RAB28: variants seen among roughly 807,000 people sequenced by gnomAD.
RAB28 encodes RAB28, member RAS oncogene family.
In RAB28, 24 loss-of-function variants were observed where a neutral mutation model predicts 31.7. The ratio of observed to expected loss-of-function variants is 0.76; its 90% CI spans 0.55 to 1.06. The LOEUF (loss-of-function observed/expected upper bound fraction) is 1.06, where lower values mean the gene tolerates loss of function less well. Among genes scored for constraint, RAB28 ranks in the 50% least tolerant of loss-of-function variants. The pLI is 0.00. For missense variants in RAB28, 254 were observed against 258.5 expected, an observed-to-expected ratio of 0.98 and a Z score of 0.12; for synonymous variants, 100 against 90.4, an observed-to-expected ratio of 1.11 and a Z score of -0.60.
In RAB28 at chr4:13,409,106, C is replaced by T. The variant is rs575378754; in HGVS notation, c.392-27512G>A. ...GGAAAATAAAGCATTATACTAAAAT[C>T]TCATGTGGGGTCAAAAGTGACATTA... On this transcript the variant is annotated intron_variant, in intron 4 of 6. Coordinates refer to ENST00000330852, the MANE Select transcript of RAB28 (RefSeq NM_001017979.3). 2.0e-5 allele frequency among the ~76,000 whole-genome samples: 3 copies of T among 152,226 alleles called. No homozygotes were observed. The South Asian group carries it at 6.2e-4, about 32-fold the overall frequency.
At chr4:13,442,310 C>G (rs958489405) in intron 4 of RAB28, among the ~76,000 whole-genome samples, 14 of 151,948 alleles carry the variant, frequency 9.2e-5, no homozygotes, top group African/African-American at 3.4e-4. Flanking sequence ...AAAACAGAAG[C>G]ACATTCAAAC....
chr4:13,440,408 C>T (rs373540924), intron 4 of RAB28, among the ~76,000 whole-genome samples: 5 of 151,982 alleles, frequency 3.3e-5, no homozygotes, highest in Non-Finnish European at 1.5e-5. Flanking sequence ...ATTTGCACAG[C>T]ATCTGTATTT....
At chr4:13,429,247 A>G (rs1713677046) in intron 4 of RAB28, among the ~76,000 whole-genome samples, 1 of 152,134 alleles carries the variant, frequency 6.6e-6, no homozygotes, top group African/African-American at 2.4e-5. Flanking sequence ...GCGCCTGGCC[A>G]ATTTCACTCT....
At chr4:13,376,719 T>C (rs1728938244) in intron 5 of RAB28, 97 bp from the exon 6 acceptor site, 3 of 727,102 alleles carry the variant, frequency 4.1e-6, no homozygotes, top group Admixed American at 5.8e-5. Context: ...ACAGCAATAA[T>C]TGCAAAAATA....
intron 6 of RAB28, chr4:13,371,154 G>C: frequency 2.0e-6 from 2 of 985,276 alleles, no homozygotes; most frequent in South Asian, 9.4e-5. Flanking sequence ...TGAGGCATAC[G>C]AACATATTAG....
Position 13,425,235 on chromosome 4 carries a change from A to G in RAB28, c.391+35464T>C, listed in dbSNP as rs138495485. The stretch of plus-strand genomic sequence containing the variant: ...ACACTCCTGGTATCAAAACTAGACA[A>G]GAAACATTTTTTGATGTTTTAGAAG... On this transcript the variant is annotated intron_variant, in intron 4 of 6. Transcript: ENST00000330852. Among the ~76,000 whole-genome samples the G allele has an allele frequency of 4.6e-3, 695 of 152,316 alleles. 6 individuals are homozygous for G. The highest frequency in any genetic ancestry group is 0.016 in the African/African-American group (662 of 41,572).
chr4:13,395,636 G>A (rs1050339197), intron 4 of RAB28, among the ~76,000 whole-genome samples: 1 of 140,546 alleles, frequency 7.1e-6, no homozygotes, highest in African/African-American at 3.0e-5. Context: ...ACAAGGGAGA[G>A]AACGAACAGT....
At chr4:13,459,827 A>G (rs1270463410) in intron 4 of RAB28, 3 of 1,262,136 alleles carry the variant, frequency 2.4e-6, no homozygotes, top group Non-Finnish European at 3.1e-6. Context: ...AATGAAATGC[A>G]TCGCTCAAAA....
chr4:13,428,730 T>C (rs1713647538), intron 4 of RAB28, among the ~76,000 whole-genome samples: 2 of 152,096 alleles, frequency 1.3e-5, no homozygotes, highest in Non-Finnish European at 2.9e-5. Context: ...AGAAAGGTTA[T>C]TTGAGGAAAT....
chr4:13,422,503 G>T (rs1453805677), intron 4 of RAB28, among the ~76,000 whole-genome samples: 1 of 152,164 alleles, frequency 6.6e-6, no homozygotes, highest in Non-Finnish European at 1.5e-5. Flanking sequence ...CAACCCAAAT[G>T]TCCATCAATG....
At chr4:13,460,922 G>T in intron 3 of RAB28, 94 bp from the exon 4 acceptor site, 2 of 1,199,534 alleles carry the variant, frequency 1.7e-6, no homozygotes, top group Non-Finnish European at 2.3e-6. Flanking sequence ...TGTCAAAATG[G>T]GTATAAAAAT....
chr4:13,427,380 A>G (rs1297819379), intron 4 of RAB28, among the ~76,000 whole-genome samples: 4 of 152,250 alleles, frequency 2.6e-5, no homozygotes. Flanking sequence ...ATGTCAGACA[A>G]GACAAGCATG....
chr4:13,427,080 A>G (rs1713537188), intron 4 of RAB28, among the ~76,000 whole-genome samples: 1 of 152,162 alleles, frequency 6.6e-6, no homozygotes, highest in African/African-American at 2.4e-5. Flanking sequence ...AGAATTCCCC[A>G]TAGACCTGAT....
chr4:13,400,752 T>C (rs1711700552), intron 4 of RAB28, among the ~76,000 whole-genome samples: 1 of 152,204 alleles, frequency 6.6e-6, no homozygotes, highest in Non-Finnish European at 1.5e-5. Flanking sequence ...TTCTCATTCC[T>C]GATTTGCTGA....
At chr4:13,478,998 T>G (rs764273726) in intron 2 of RAB28, among the ~76,000 whole-genome samples, 1 of 151,646 alleles carries the variant, frequency 6.6e-6, no homozygotes, top group Non-Finnish European at 1.5e-5. Context: ...AGAAGTTCCA[T>G]AGCTACATTA....
At chr4:13,413,893 G>A (rs1182000206) in intron 4 of RAB28, among the ~76,000 whole-genome samples, 1 of 152,158 alleles carries the variant, frequency 6.6e-6, no homozygotes, top group Non-Finnish European at 1.5e-5. Context: ...TAGCTTGCCA[G>A]CTGGCCAGCA....
intron 4 of RAB28, among the ~76,000 whole-genome samples, chr4:13,447,995 C>A (rs1714782505): frequency 6.6e-6 from 1 of 152,112 alleles, no homozygotes; most frequent in South Asian, 2.1e-4. Context: ...AGGTATTATT[C>A]ACTAGTATCC....
chr4:13,405,863 C>T (rs182271715), intron 4 of RAB28, among the ~76,000 whole-genome samples: 16 of 152,180 alleles, frequency 1.1e-4, no homozygotes, highest in African/African-American at 3.6e-4. Flanking sequence ...TTAAGTTTGC[C>T]TTCTGATTCA....
chr4:13,412,268 C>CT (rs34935420), intron 4 of RAB28, among the ~76,000 whole-genome samples: 1 of 151,948 alleles, frequency 6.6e-6, no homozygotes, highest in Non-Finnish European at 1.5e-5. Context: ...ATCCAGGTGG[C>CT]GCAAGAGTTT....
Sources: gnomAD v4.1 joint callset for allele counts (sites outside exome capture counted in the v4.1 genomes callset) on GRCh38, gnomAD v4.1.1 for gene constraint, MANE v1.5 for transcripts, NCBI Gene and HGNC (gene_info 2026-07-23, HGNC 2026-07-21) for gene names.